The following PIK3CD variants were observed in gnomAD, a reference collection of about 807,000 sequenced individuals.
The protein encoded by PIK3CD is phosphatidylinositol 4,5-bisphosphate 3-kinase catalytic subunit delta isoform.
PIK3CD carries 20 observed loss-of-function variants against 122.9 expected under a neutral mutation model. The observed-to-expected ratio is 0.16, with a 90% CI of 0.11 to 0.24. PIK3CD has a LOEUF of 0.24. PIK3CD is among the 10% of genes least tolerant of loss of function. PIK3CD has a pLI of 1.00. For synonymous variants in PIK3CD, 596 were observed against 593.4 expected, an observed-to-expected ratio of 1.00 and a Z score of -0.06; for missense variants, 787 against 1,406.3, an observed-to-expected ratio of 0.56 and a Z score of 7.04.
Position 9,722,550 on chromosome 1 carries a change from C to T in PIK3CD, c.2370C>T (p.Thr790=), listed in dbSNP as rs779433261. 4.3e-6 allele frequency: 7 copies of T among 1,613,526 alleles called. No homozygotes were observed. The highest frequency in any genetic ancestry group is 1.1e-5 in the South Asian group (1 of 91,092). ...NGDDLRQDML[T]LQMIQLMDVL... ...CAGACCTCCGGCAGGACATGCTGAC[C>T]CTGCAGATGATCCAGCTCATGGACG... The change falls in exon 19 of 24, where the codon ACC becomes ACT. Residue 790 remains threonine (T), a synonymous_variant. Transcript: ENST00000377346. The surrounding 1 kb of genome is among the most constrained non-coding windows in gnomAD (Gnocchi z 7.6).
chr1:9,717,581 C>T lies in PIK3CD; in HGVS notation c.975C>T (p.Ile325=), dbSNP rs1348429192. 1.1e-5 allele frequency: 18 copies of T among 1,614,006 alleles called. No individual in the cohort carries two copies. The highest frequency in any genetic ancestry group is 2.2e-5 in the East Asian group (1 of 44,900). ...SLWSLEQPFR[I]ELIQGSKVNA... The stretch of plus-strand genomic sequence containing the variant: ...GGTCCCTGGAGCAGCCGTTCCGCAT[C>T]GAGCTCATCCAGGGCAGCAAAGTGA... The change falls in exon 8 of 24, where the codon ATC becomes ATT. Residue 325 remains isoleucine, a synonymous_variant. Coordinates refer to ENST00000377346, the MANE Select transcript of PIK3CD (RefSeq NM_005026.5). The surrounding 1 kb of genome is among the most constrained non-coding windows in gnomAD (Gnocchi z 5.4).
In PIK3CD at chr1:9,719,006, C is replaced by A; in HGVS notation, c.1242+91C>A. On this transcript the variant is annotated intron_variant, in intron 9 of 23. Coordinates refer to ENST00000377346, the MANE Select transcript of PIK3CD (RefSeq NM_005026.5). This position sits in a 1 kb window ranked among gnomAD's most constrained non-coding sequence, Gnocchi z 5.5. ...CACTCACCACTCTCCTCCCGGCAAGCACGCAGCCTGGGGATGGGGGTCCTG... is the reference window on the plus strand; with the variant it reads ...CACTCACCACTCTCCTCCCGGCAAGAACGCAGCCTGGGGATGGGGGTCCTG... 8.1e-7 allele frequency: 1 copy of A among 1,236,878 alleles called. No homozygotes were observed. Among genetic ancestry groups the A allele is most frequent in the Non-Finnish European group, 1.2e-6 (1 of 865,770 alleles). The allele number at this position is 1,236,878 out of a possible 1,614,324, so 76.6% of individuals were successfully genotyped here. A position where few individuals can be genotyped will look rare whatever the true frequency, so the allele number is the denominator to read the frequency against.
In PIK3CD at chr1:9,718,579, G is replaced by T; in HGVS notation, c.1021-115G>T. On this transcript the variant is annotated intron_variant, in intron 8 of 23. Transcript: ENST00000377346. The surrounding 1 kb of genome is among the most constrained non-coding windows in gnomAD (Gnocchi z 7.2). Reference sequence around the variant, plus strand: ...TGCTGCACCACCTTCCTTCGTGTGGGAAGTAGAGTTCAGACCCACCTGAGG... The same window carrying T: ...TGCTGCACCACCTTCCTTCGTGTGGTAAGTAGAGTTCAGACCCACCTGAGG... 1.0e-6 allele frequency: 1 copy of T among 962,356 alleles called. No individual in the cohort carries two copies. Among genetic ancestry groups the T allele is most frequent in the Non-Finnish European group, 1.6e-6 (1 of 620,264 alleles). 59.6% of individuals were successfully genotyped at this position (962,356 alleles called of 1,614,324 possible).
At chr1:9,706,571 A>C (rs1282844209) in intron 2 of PIK3CD, among the ~76,000 whole-genome samples, 9 of 152,172 alleles carry the variant, frequency 5.9e-5, no homozygotes, top group African/African-American at 1.9e-4. Context: ...CATTCAGATC[A>C]AGTATTTCTG....
At chr1:9,708,892 C>T (rs1646944736) in intron 2 of PIK3CD, among the ~76,000 whole-genome samples, 1 of 152,062 alleles carries the variant, frequency 6.6e-6, no homozygotes, top group African/African-American at 2.4e-5. Context: ...ACTCCAGGTA[C>T]TGCTAACCTG....
intron 1 of PIK3CD, among the ~76,000 whole-genome samples, chr1:9,676,616 C>T (rs563402793): frequency 6.6e-6 from 1 of 152,330 alleles, no homozygotes; most frequent in Admixed American, 6.5e-5. Context: ...CAGTTGATAC[C>T]ATCTGGCTCC....
intron 2 of PIK3CD, among the ~76,000 whole-genome samples, chr1:9,694,435 G>A (rs12026241): frequency 0.13 from 19,179 of 152,268 alleles, 1,295 homozygotes; most frequent in South Asian, 0.2. Context: ...TTAGGAGGCT[G>A]AGGTAGGAGA....
intron 1 of PIK3CD, among the ~76,000 whole-genome samples, chr1:9,662,097 G>A (rs1012275378): frequency 1.3e-5 from 2 of 152,146 alleles, no homozygotes; most frequent in Non-Finnish European, 2.9e-5. Flanking sequence ...CCAGGGAGGC[G>A]GAGGTTGCAG....
intron 1 of PIK3CD, among the ~76,000 whole-genome samples, chr1:9,679,949 C>T (rs893370428): frequency 2.0e-5 from 3 of 151,942 alleles, no homozygotes; most frequent in Non-Finnish European, 4.4e-5. Context: ...TTCAGCCTCC[C>T]GAGTAGCTGG....
intron 1 of PIK3CD, among the ~76,000 whole-genome samples, chr1:9,665,948 G>A (rs1320357530): frequency 6.6e-6 from 1 of 151,706 alleles, no homozygotes. Flanking sequence ...GTTTTTTGAC[G>A]CAGAGTTTTG....
chr1:9,687,148 A>G (rs1277241767), intron 1 of PIK3CD, among the ~76,000 whole-genome samples: 1 of 152,018 alleles, frequency 6.6e-6, no homozygotes, highest in African/African-American at 2.4e-5. Flanking sequence ...CTTGTGTTTG[A>G]GCTTGACTTT....
At chr1:9,641,412 A>C in the PIK3CD span, among the ~76,000 whole-genome samples, 1 of 152,166 alleles carries the variant, frequency 6.6e-6, no homozygotes, top group Non-Finnish European at 1.5e-5. Context: ...CAGAGGGTAC[A>C]TTATTGTTCC....
chr1:9,721,016 C>T (rs1648551555), intron 13 of PIK3CD, 107 bp downstream of exon 13: 26 of 1,411,794 alleles, frequency 1.8e-5, no homozygotes, highest in Non-Finnish European at 2.5e-5. Flanking sequence ...GGCCAACCTT[C>T]ACCCTGACCC....
the PIK3CD span, among the ~76,000 whole-genome samples, chr1:9,630,848 G>C: frequency 6.6e-6 from 1 of 152,200 alleles, no homozygotes; most frequent in Non-Finnish European, 1.5e-5. Context: ...GGAGCTACAA[G>C]TCCCGGCTCC....
chr1:9,639,517 A>C, the PIK3CD span, among the ~76,000 whole-genome samples: 1 of 152,168 alleles, frequency 6.6e-6, no homozygotes. Flanking sequence ...TCATTTTTAC[A>C]GAAGAAACAG....
intron 2 of PIK3CD, among the ~76,000 whole-genome samples, chr1:9,699,722 G>A (rs950749717): frequency 1.3e-5 from 2 of 152,098 alleles, no homozygotes; most frequent in African/African-American, 4.8e-5. Flanking sequence ...CAGCCTACTT[G>A]GGATTATAGG....
intron 1 of PIK3CD, among the ~76,000 whole-genome samples, chr1:9,675,611 A>G (rs954389971): frequency 6.6e-6 from 1 of 151,894 alleles, no homozygotes; most frequent in African/African-American, 2.4e-5. Context: ...TCCAGATCCC[A>G]GGGAGGAGGA....
At chr1:9,701,722 A>C (rs747107011) in intron 2 of PIK3CD, among the ~76,000 whole-genome samples, 1 of 152,068 alleles carries the variant, frequency 6.6e-6, no homozygotes, top group Non-Finnish European at 1.5e-5. Context: ...TTATGTTCAC[A>C]AGATGAAACT....
chr1:9,701,583 T>G (rs1451717888), intron 2 of PIK3CD, among the ~76,000 whole-genome samples: 1 of 150,404 alleles, frequency 6.6e-6, no homozygotes, highest in Non-Finnish European at 1.5e-5. Context: ...GCAGGAGAAT[T>G]GTTTGAACCT....
Sources: allele counts gnomAD v4.1 joint callset (sites outside exome capture counted in the v4.1 genomes callset), GRCh38; gene constraint gnomAD v4.1.1; non-coding constraint Gnocchi (gnomAD v3.1); transcripts MANE v1.5; gene names NCBI Gene and HGNC (gene_info 2026-07-23, HGNC 2026-07-21).